The following AKAP11 variants were observed in gnomAD, a reference collection of about 807,000 sequenced individuals.
AKAP11 encodes the protein A-kinase anchor protein 11.
A neutral mutation model predicts 146.1 loss-of-function variants in AKAP11; 36 were observed. The observed-to-expected ratio is 0.25, with a 90% confidence interval of 0.19 to 0.33. The LOEUF is 0.33. Among genes scored for constraint, AKAP11 ranks in the 10% least tolerant of loss-of-function variants. The pLI is 1.00. For missense variants in AKAP11, 2,201 were observed against 2,197.0 expected (o/e 1.00, Z -0.04); for synonymous variants, 780 against 786.5 (o/e 0.99, Z 0.14).
rs759132316 is a variant in AKAP11, at chr13:42,300,950, C to T, written c.2204C>T (p.Pro735Leu). ...TATGTGAGTGCAGAAAGTGTAGTGC[C>T]ATCGACACAGGCTGTCACGTTTTCC... Reference protein sequence around the residue: ...IKYVSAESVVPSTQAVTFSPS... With the variant: ...IKYVSAESVVLSTQAVTFSPS... Residue 735 changes from proline (P) to leucine (L), a missense_variant, in exon 8 of 13, where the codon CCA becomes CTA. Pro to Leu is a moderately conservative substitution (Grantham distance 98). Coordinates refer to ENST00000025301, the MANE Select transcript of AKAP11 (RefSeq NM_016248.4). 13 of 1,613,986 alleles carry T rather than the reference C, an allele frequency of 8.1e-6. No individual in the cohort carries two copies. The South Asian group carries it at 1.4e-4, about 18-fold the overall frequency.
intron 1 of AKAP11, among the ~76,000 whole-genome samples, chr13:42,274,987 C>T (rs1958879180): frequency 6.6e-6 from 1 of 152,184 alleles, no homozygotes; most frequent in African/African-American, 2.4e-5. Flanking sequence ...TTTATTTTTA[C>T]CTCCCGTAAT....
chr13:42,307,549 A>G (rs1171758589), intron 8 of AKAP11, among the ~76,000 whole-genome samples: 1 of 152,140 alleles, frequency 6.6e-6, no homozygotes, highest in Non-Finnish European at 1.5e-5. Context: ...GCCAAAAACC[A>G]AAAGTGAAAT....
At chr13:42,280,914 A>G (rs944958244) in intron 1 of AKAP11, among the ~76,000 whole-genome samples, 3 of 152,208 alleles carry the variant, frequency 2.0e-5, no homozygotes, top group Admixed American at 6.5e-5. Context: ...GGGGAAGACC[A>G]GTTTCCAGCT....
chr13:42,313,761 G>A (rs1285052620), intron 10 of AKAP11, 133 bp from the exon 11 acceptor site: 11 of 688,778 alleles, frequency 1.6e-5, no homozygotes, highest in Non-Finnish European at 2.5e-5. Context: ...TTTTTTAATT[G>A]TCATTTCTCC....
At chr13:42,309,964 C>T (rs757723455) in intron 9 of AKAP11, among the ~76,000 whole-genome samples, 8 of 152,076 alleles carry the variant, frequency 5.3e-5, no homozygotes, top group African/African-American at 1.9e-4. Context: ...GTCGTCTTAC[C>T]GGTTTCTGTC....
chr13:42,302,394 C>T lies in AKAP11; in HGVS notation c.3648C>T (p.Ser1216=), dbSNP rs563052455. ...CTCTTGCAACTGAAATGGCAGCTTC[C>T]CATTTAGATAACAAAATAATTCAAG... ...ILSLATEMAA[S]HLDNKIIQEP... The change falls in exon 8 of 13, where the codon TCC becomes TCT. Residue 1216 remains serine (S), a synonymous_variant. Transcript: ENST00000025301. 9 of 1,614,066 alleles carry T rather than the reference C, an allele frequency of 5.6e-6. No individual in the cohort carries two copies. The African/African-American group carries it at 8.0e-5, about 14-fold the overall frequency.
chr13:42,311,363 G>A (rs1017754531), intron 9 of AKAP11, among the ~76,000 whole-genome samples: 6 of 152,124 alleles, frequency 3.9e-5, no homozygotes, highest in Non-Finnish European at 8.8e-5. Context: ...GTTAATACAG[G>A]GTGATCATAC....
intron 1 of AKAP11, among the ~76,000 whole-genome samples, chr13:42,280,147 A>C (rs1433274534): frequency 6.6e-6 from 1 of 152,228 alleles, no homozygotes; most frequent in Admixed American, 6.5e-5. Flanking sequence ...TGAAACCACC[A>C]GACTGCTTGG....
chr13:42,285,805 A>G (rs1375620), intron 1 of AKAP11, among the ~76,000 whole-genome samples, 181 bp from the exon 2 acceptor site: 102,645 of 152,046 alleles, frequency 0.68, 34,842 homozygotes, highest in East Asian at 0.79. Flanking sequence ...TTTGATATGT[A>G]CAGATTTCTC....
At chr13:42,285,658 A>T (rs1342447472) in intron 1 of AKAP11, among the ~76,000 whole-genome samples, 1 of 152,234 alleles carries the variant, frequency 6.6e-6, no homozygotes, top group Non-Finnish European at 1.5e-5. Context: ...CATCTTTAAA[A>T]AGTTGAGACT....
intron 1 of AKAP11, among the ~76,000 whole-genome samples, chr13:42,273,073 G>A (rs1381373830): frequency 6.6e-6 from 1 of 152,200 alleles, no homozygotes; most frequent in Admixed American, 6.5e-5. Context: ...AGACTGCTGA[G>A]ATACATACCT....
chr13:42,297,098 C>T lies in AKAP11; in HGVS notation c.267C>T (p.His89=), dbSNP rs773204517. The T allele has an allele frequency of 2.5e-6, 4 of 1,590,124 alleles. No homozygotes were observed. The Admixed American group carries it at 7.1e-5, about 28-fold the overall frequency. ...TTCCAGATATTCTGAATTCACTCCA[C>T]TTCTGCAGTCTAAATGAAAATGAAA... is the stretch of plus-strand genomic sequence containing the variant. ...LELPDILNSL[H]FCSLNENEII... is the part of the protein sequence containing the mutation. The change falls in exon 6 of 13, where the codon CAC becomes CAT. Residue 89 remains histidine (H), a synonymous_variant. Coordinates refer to ENST00000025301, the MANE Select transcript of AKAP11 (RefSeq NM_016248.4).
intron 3 of AKAP11, among the ~76,000 whole-genome samples, chr13:42,290,600 A>G (rs781602664): frequency 5.3e-5 from 8 of 152,122 alleles, no homozygotes; most frequent in Non-Finnish European, 1.2e-4. Flanking sequence ...ACTAGCCAGC[A>G]TTTTTAGGTA....
intron 1 of AKAP11, among the ~76,000 whole-genome samples, chr13:42,276,571 A>G (rs1391978581): frequency 6.6e-6 from 1 of 152,206 alleles, no homozygotes; most frequent in Non-Finnish European, 1.5e-5. Context: ...ATGTTGATAT[A>G]AAATACTGTC....
chr13:42,278,152 A>T (rs1958972664), intron 1 of AKAP11, among the ~76,000 whole-genome samples: 1 of 152,224 alleles, frequency 6.6e-6, no homozygotes, highest in Non-Finnish European at 1.5e-5. Flanking sequence ...TGAGATTGAG[A>T]AACTCTGTAG....
At chr13:42,283,600 CT>C (rs1162518829) in intron 1 of AKAP11, among the ~76,000 whole-genome samples, 1 of 152,184 alleles carries the variant, frequency 6.6e-6, no homozygotes, top group African/African-American at 2.4e-5. Context: ...CCCTGCCCAA[CT>C]TTGAAACTGT....
In AKAP11 at chr13:42,301,823, G is replaced by T. The variant is rs1339755106; in HGVS notation, c.3077G>T (p.Cys1026Phe). The stretch of plus-strand genomic sequence containing the variant: ...TCCTCCCTAGAGACACTGCCATCTT[G>T]TCCAGCTGTGACAGGTCAGAAATCT... ...HGSSLETLPS[C>F]PAVTGQKSDL... Residue 1026 changes from cysteine (C) to phenylalanine (F), a missense_variant, in exon 8 of 13, where the codon TGT becomes TTT. By Grantham distance (205) the Cys-to-Phe change is radical. Transcript: ENST00000025301. 9 of 1,614,020 alleles carry T rather than the reference G, an allele frequency of 5.6e-6. No homozygotes were observed. Among genetic ancestry groups the T allele is most frequent in the Non-Finnish European group, 4.2e-6 (5 of 1,180,020 alleles).
At chr13:42,272,051 T>TGCGGCG (rs1019424784), upstream of AKAP11, 108 of 136,008 alleles carry the variant, frequency 7.9e-4, 2 homozygotes, top group Non-Finnish European at 6.3e-4. Flanking sequence ...GGGCCGGAGC[T>TGCGGCG]GCGGCGGCGG....
rs1432443772 is a variant in AKAP11, at chr13:42,322,558, G to C, written c.*3330G>C. 6.6e-6 allele frequency: 1 copy of C among 152,178 alleles called. No homozygotes were observed. The highest frequency in any genetic ancestry group is 1.5e-5 in the Non-Finnish European group (1 of 67,980). 9.4% of individuals were successfully genotyped at this position (152,178 alleles called of 1,614,324 possible). On this transcript the variant is annotated 3_prime_UTR_variant, in exon 13 of 13. Coordinates refer to ENST00000025301, the MANE Select transcript of AKAP11 (RefSeq NM_016248.4). ...AAACAACTGATGCATCCATACTCAG[G>C]GTGTAGGGAGAATACTTTGCATTTA...
Sources: gnomAD v4.1 joint callset for allele counts (sites outside exome capture counted in the v4.1 genomes callset) on GRCh38, gnomAD v4.1.1 for gene constraint, MANE v1.5 for transcripts, NCBI Gene and HGNC (gene_info 2026-07-23, HGNC 2026-07-21) for gene names.